The following PPM1G variants were observed in gnomAD, a reference collection of about 807,000 sequenced individuals.
PPM1G encodes the protein protein phosphatase 1G.
A neutral mutation model predicts 59.4 loss-of-function variants in PPM1G; 12 were observed. The ratio of observed to expected loss-of-function variants is 0.20; its 90% CI spans 0.13 to 0.33. PPM1G has a LOEUF of 0.33. PPM1G is among the 10% of genes least tolerant of loss of function. The probability of loss-of-function intolerance (pLI) is 1.00; values close to 1 mark genes in which losing one functional copy is unlikely to be tolerated. For synonymous variants in PPM1G, 245 were observed against 251.9 expected (o/e 0.97, Z 0.26); for missense variants, 392 against 681.3 (o/e 0.58, Z 4.73).
intron 1 of PPM1G, among the ~76,000 whole-genome samples, chr2:27,408,633 G>C (rs1464550810): frequency 1.3e-5 from 2 of 152,182 alleles, no homozygotes; most frequent in African/African-American, 2.4e-5. Context: ...GAAATCCTAA[G>C]AGAGAAAGAA....
At chr2:27,400,086 C>T (rs1684147346) in intron 1 of PPM1G, among the ~76,000 whole-genome samples, 1 of 151,954 alleles carries the variant, frequency 6.6e-6, no homozygotes, top group African/African-American at 2.4e-5. Flanking sequence ...CATGACACAA[C>T]ATTGATGACC....
chr2:27,382,088 C>G lies in PPM1G; in HGVS notation c.1434+38G>C. The stretch of plus-strand genomic sequence containing the variant: ...ATTAAAAGAGTGAACCCTGGCTGTG[C>G]AGACCAGACACCCTCTCTTCTCCAC... On this transcript the variant is annotated intron_variant, in intron 9 of 9. Coordinates refer to ENST00000344034, the MANE Select transcript of PPM1G (RefSeq NM_177983.3). This position sits in a 1 kb window ranked among gnomAD's most constrained non-coding sequence, Gnocchi z 4.2. 1 of 1,573,034 alleles carries G rather than the reference C, an allele frequency of 6.4e-7. No individual in the cohort carries two copies. Among genetic ancestry groups the G allele is most frequent in the Non-Finnish European group, 8.7e-7 (1 of 1,143,248 alleles).
intron 3 of PPM1G, 89 bp downstream of exon 3, chr2:27,386,105 A>G (rs1198848459): frequency 7.6e-7 from 1 of 1,318,428 alleles, no homozygotes. Flanking sequence ...AGCAGCAGCT[A>G]GAGGACAAAA....
At position 27,384,426 on chromosome 2, in the gene PPM1G, T is replaced by G. The variant is rs1295905808; in HGVS notation, c.825+247A>C. On this transcript the variant is annotated intron_variant, in intron 5 of 9. Coordinates refer to ENST00000344034, the MANE Select transcript of PPM1G (RefSeq NM_177983.3). The surrounding 1 kb of genome is among the most constrained non-coding windows in gnomAD (Gnocchi z 4.8). ...AACAACTATCTCCTTGTTCTCTCTC[T>G]AGGAGACAGACTCTGAAAAGCCAGA... Among the ~76,000 whole-genome samples the G allele has an allele frequency of 6.6e-6, 1 of 152,208 alleles. No homozygotes were observed. Among genetic ancestry groups the G allele is most frequent in the Non-Finnish European group, 1.5e-5 (1 of 68,036 alleles).
intron 1 of PPM1G, among the ~76,000 whole-genome samples, chr2:27,407,987 C>G (rs1024314015): frequency 1.3e-5 from 2 of 151,166 alleles, no homozygotes; most frequent in African/African-American, 4.9e-5. Flanking sequence ...GCGGAGGTTG[C>G]GGTGAGCCGA....
chr2:27,396,577 G>A (rs568496143), intron 1 of PPM1G, among the ~76,000 whole-genome samples: 1 of 152,178 alleles, frequency 6.6e-6, no homozygotes, highest in Non-Finnish European at 1.5e-5. Flanking sequence ...CACTTTGGGA[G>A]GCCGAGGCGG....
chr2:27,396,702 C>T (rs1684061719), intron 1 of PPM1G, among the ~76,000 whole-genome samples: 1 of 151,522 alleles, frequency 6.6e-6, no homozygotes, highest in South Asian at 2.1e-4. Context: ...GTAATCCCAG[C>T]TACTCAGGAG....
Position 27,393,253 on chromosome 2 carries a change from C to T in PPM1G, c.121-6095G>A, listed in dbSNP as rs1205353618. On this transcript the variant is annotated intron_variant, in intron 1 of 9. Coordinates refer to ENST00000344034, the MANE Select transcript of PPM1G (RefSeq NM_177983.3). Reference sequence around the variant, plus strand: ...ACATCATCGCTGTCAAAGTAGTAAGCCACGCACAGGTAAATGGAGGAGGCG... The same window carrying T: ...ACATCATCGCTGTCAAAGTAGTAAGTCACGCACAGGTAAATGGAGGAGGCG... 5.0e-6 allele frequency: 8 copies of T among 1,584,732 alleles called. No homozygotes were observed. In the East Asian group the frequency reaches 1.3e-4, roughly 27 times the overall value.
intron 1 of PPM1G, among the ~76,000 whole-genome samples, chr2:27,402,141 G>T (rs1483035400): frequency 1.3e-5 from 2 of 149,088 alleles, no homozygotes; most frequent in Non-Finnish European, 3.0e-5. Context: ...AAAAAAAGTT[G>T]ATATACTTCA....
At chr2:27,393,347 C>T (rs1317837715) in intron 1 of PPM1G, 5 of 1,595,098 alleles carry the variant, frequency 3.1e-6, no homozygotes, top group African/African-American at 1.3e-5. Context: ...GGCGCACCTG[C>T]GAGGTAGACG....
chr2:27,384,705 C>G lies in PPM1G; in HGVS notation c.793G>C (p.Asp265His). The G allele has an allele frequency of 6.2e-7, 1 of 1,612,430 alleles. No homozygotes were observed. Among genetic ancestry groups the G allele is most frequent in the Non-Finnish European group, 8.5e-7 (1 of 1,178,510 alleles). Reference sequence around the variant, plus strand: ...TCTTCCTCTTCTTCCTCCGCCTCATCTGACTCATCCTCACTGTCCTCAAAG... The same window carrying G: ...TCTTCCTCTTCTTCCTCCGCCTCATGTGACTCATCCTCACTGTCCTCAAAG... ...KFFEDSEDES[D>H]EAEEEEEDSE... The change falls in exon 5 of 10, where the codon GAT (aspartate) becomes CAT (histidine). Residue 265 changes from aspartate to histidine, a missense_variant. By Grantham distance (81) the Asp-to-His change is moderately conservative (BLOSUM62 -1). Coordinates refer to ENST00000344034, the MANE Select transcript of PPM1G (RefSeq NM_177983.3). This position sits in a 1 kb window ranked among gnomAD's most constrained non-coding sequence, Gnocchi z 4.8.
chr2:27,407,430 A>G (rs961307671), intron 1 of PPM1G, among the ~76,000 whole-genome samples: 3 of 148,174 alleles, frequency 2.0e-5, no homozygotes, highest in African/African-American at 7.5e-5. Context: ...TGCCCAGCTA[A>G]TTTTTTTGTA....
chr2:27,386,989 C>T lies in PPM1G; in HGVS notation c.190+100G>A, dbSNP rs906937337. ...ACCACGCAGGAAATGATAATGAGGG[C>T]CAGACCCTGGAAAGTAAATGAACAA... On this transcript the variant is annotated intron_variant, in intron 2 of 9. Coordinates refer to ENST00000344034, the MANE Select transcript of PPM1G (RefSeq NM_177983.3). The T allele has an allele frequency of 1.6e-5, 15 of 915,824 alleles. No individual in the cohort carries two copies. In the African/African-American group the frequency reaches 2.0e-4, roughly 12 times the overall value. 56.7% of individuals were successfully genotyped at this position (915,824 alleles called of 1,614,324 possible). A position where few individuals can be genotyped will look rare whatever the true frequency, so the allele number is the denominator to read the frequency against.
Position 27,382,297 on chromosome 2 carries a change from G to C in PPM1G, c.1332-69C>G. On this transcript the variant is annotated intron_variant, in intron 8 of 9. Transcript: ENST00000344034. This position sits in a 1 kb window ranked among gnomAD's most constrained non-coding sequence, Gnocchi z 4.2. ...GCAGCGTAGAGGAGTATGGACAGAG[G>C]TGGTGGCCCAGGCCAGTGTAAATAA... The C allele has an allele frequency of 6.4e-7, 1 of 1,569,678 alleles. No individual in the cohort carries two copies. The highest frequency in any genetic ancestry group is 1.3e-5 in the African/African-American group (1 of 74,110).
chr2:27,382,416 G>T lies in PPM1G; in HGVS notation c.1331+60C>A. 1 of 1,607,752 alleles carries T rather than the reference G, an allele frequency of 6.2e-7. No individual in the cohort carries two copies. Among genetic ancestry groups the T allele is most frequent in the Non-Finnish European group, 8.5e-7 (1 of 1,176,954 alleles). On this transcript the variant is annotated intron_variant, in intron 8 of 9. Transcript: ENST00000344034. This position sits in a 1 kb window ranked among gnomAD's most constrained non-coding sequence, Gnocchi z 4.2. ...GGCTCTAATCCTAGAGGTGCCCTGA[G>T]TCCTATAAGAGAAGACATGCTGCAG... is the stretch of plus-strand genomic sequence containing the variant.
At position 27,385,689 on chromosome 2, in the gene PPM1G, A is replaced by G. The variant is rs1260253061; in HGVS notation, c.409+58T>C. ...TCCTATCTTAGAATTGATAAGTAAT[A>G]TTAAAGAATATTTCTTAAAATGCTG... On this transcript the variant is annotated intron_variant, in intron 4 of 9. Coordinates refer to ENST00000344034, the MANE Select transcript of PPM1G (RefSeq NM_177983.3). The surrounding 1 kb of genome is among the most constrained non-coding windows in gnomAD (Gnocchi z 4.1). The G allele has an allele frequency of 1.9e-6, 3 of 1,576,008 alleles. No individual in the cohort carries two copies. Among genetic ancestry groups the G allele is most frequent in the South Asian group, 2.4e-5 (2 of 84,342 alleles).
At chr2:27,408,529 GGTT>G (rs1431575084) in intron 1 of PPM1G, among the ~76,000 whole-genome samples, 3 of 152,162 alleles carry the variant, frequency 2.0e-5, no homozygotes, top group African/African-American at 2.4e-5. Flanking sequence ...TTTGTAGGTA[GGTT>G]GTGATGAAAA....
At position 27,384,878 on chromosome 2, in the gene PPM1G, G is replaced by A; in HGVS notation, c.620C>T (p.Thr207Ile). 4 of 1,614,230 alleles carry A rather than the reference G, an allele frequency of 2.5e-6. No homozygotes were observed. The highest frequency in any genetic ancestry group is 1.1e-5 in the South Asian group (1 of 91,086). ...GGAAAAGCCTGTGTAGGCCTTGGCT[G>A]TGGGGCCATTTTCTTGTGAAGGAGT... ...RETPSQENGP[T>I]AKAYTGFSSN... The change falls in exon 5 of 10, where the codon ACA becomes ATA. Residue 207 changes from threonine (T) to isoleucine (I), a missense_variant. Thr to Ile is a moderately conservative substitution (Grantham distance 89). Around this residue, in one of 6 missense-constraint regions of PPM1G, gnomAD observed 188 missense variants for 248.8 expected, o/e 0.76. Transcript: ENST00000344034. The surrounding 1 kb of genome is among the most constrained non-coding windows in gnomAD (Gnocchi z 4.8).
Position 27,383,122 on chromosome 2 carries a change from C to T in PPM1G, c.1201+244G>A, listed in dbSNP as rs911925807. Among the ~76,000 whole-genome samples, 2 of 152,116 alleles carry T rather than the reference C, an allele frequency of 1.3e-5. No individual in the cohort carries two copies. Among genetic ancestry groups the T allele is most frequent in the Non-Finnish European group, 2.9e-5 (2 of 68,028 alleles). ...AAGTGCTGGGATTACAGGCGTGAGC[C>T]ACCACGCCCGGCACTCACAGGTCTT... On this transcript the variant is annotated intron_variant, in intron 7 of 9. Coordinates refer to ENST00000344034, the MANE Select transcript of PPM1G (RefSeq NM_177983.3). The surrounding 1 kb of genome is among the most constrained non-coding windows in gnomAD (Gnocchi z 5.0).
Sources: allele counts gnomAD v4.1 joint callset (sites outside exome capture counted in the v4.1 genomes callset), GRCh38; gene constraint gnomAD v4.1.1; regional missense constraint gnomAD v4.1.1; non-coding constraint Gnocchi (gnomAD v3.1); transcripts MANE v1.5; gene names NCBI Gene and HGNC (gene_info 2026-07-23, HGNC 2026-07-21).